The following SCUBE3 variants were observed in gnomAD, a reference collection of about 807,000 sequenced individuals.
The protein encoded by SCUBE3 is signal peptide, CUB and EGF-like domain-containing protein 3.
A neutral mutation model predicts 116.8 loss-of-function variants in SCUBE3; 33 were observed. That is an observed-to-expected ratio of 0.28 (90% CI 0.21 to 0.38). The LOEUF (loss-of-function observed/expected upper bound fraction) is 0.38, where lower values mean the gene tolerates loss of function less well. Ranked by LOEUF, SCUBE3 falls within the 10% of genes least tolerant of loss-of-function variation. The pLI, the probability that SCUBE3 is intolerant of heterozygous loss-of-function variation, is 1.00. For synonymous variants in SCUBE3, 418 were observed against 496.9 expected, an observed-to-expected ratio of 0.84 and a Z score of 2.11; for missense variants, 1,007 against 1,324.8, an observed-to-expected ratio of 0.76 and a Z score of 3.72.
At chr6:35,226,479 C>CTTTTTTTTTTTTTTTTTTTTTTTTTT (rs1562044702) in intron 1 of SCUBE3, among the ~76,000 whole-genome samples, 4 of 52,186 alleles carry the variant, frequency 7.7e-5, no homozygotes, top group South Asian at 1.1e-3. Context: ...TTTTCTATGT[C>CTTTTTTTTTTTTTTTTTTTTTTTTTT]CTTTTTTTTT....
Position 35,242,727 on chromosome 6 carries a change from T to C in SCUBE3, c.1640T>C (p.Val547Ala), listed in dbSNP as rs1581946622. The change falls in exon 14 of 22, where the codon GTC becomes GCC. Residue 547 changes from valine to alanine, a missense_variant. Physicochemically the swap from Val to Ala is moderately conservative, Grantham distance 64. Transcript: ENST00000274938. ...GCCCGGACCCCTCCAGGCAAAGAGG[T>C]CACAAGGCTCACCCTGGAACTGGAG... is the stretch of plus-strand genomic sequence containing the variant. ...RRARTPPGKEVTRLTLELEAE... is the reference protein window; with the variant it reads ...RRARTPPGKEATRLTLELEAE... The C allele has an allele frequency of 6.2e-7, 1 of 1,613,678 alleles. No individual in the cohort carries two copies. The highest frequency in any genetic ancestry group is 1.3e-5 in the African/African-American group (1 of 74,818).
At chr6:35,246,528 A>G (rs543494242) in intron 21 of SCUBE3, among the ~76,000 whole-genome samples, 4 of 152,276 alleles carry the variant, frequency 2.6e-5, no homozygotes, top group African/African-American at 4.8e-5. Context: ...CACCCACACT[A>G]TATTACACCT....
At position 35,233,085 on chromosome 6, in the gene SCUBE3, TG is replaced by T; in HGVS notation, c.596-95del. ...ACAGGGCTGGGAGGAAAAGGGAGTA[TG>T]GGGGAGGCAACTAGGCAAGGGGGCC... On this transcript the variant is annotated intron_variant, in intron 5 of 21. Transcript: ENST00000274938. The surrounding 1 kb of genome is among the most constrained non-coding windows in gnomAD (Gnocchi z 5.7). 1.3e-6 allele frequency: 2 copies of T among 1,499,004 alleles called. No homozygotes were observed. Among genetic ancestry groups the T allele is most frequent in the Non-Finnish European group, 1.8e-6 (2 of 1,084,768 alleles). The allele number at this position is 1,499,004 out of a possible 1,614,324, so 92.9% of individuals were successfully genotyped here.
chr6:35,232,909 A>G lies in SCUBE3; in HGVS notation c.529A>G (p.Lys177Glu). ...TGCCCACATTTGCCGGGAGACACCCAAGGGGGGTATTGCCTGTGAATGCCG... is the reference window on the plus strand; with the variant it reads ...TGCCCACATTTGCCGGGAGACACCCGAGGGGGGTATTGCCTGTGAATGCCG... ...GCAHICRETP[K>E]GGIACECRPG... Residue 177 changes from lysine to glutamate, a missense_variant, in exon 5 of 22, where the codon AAG (lysine) becomes GAG (glutamate). Transcript: ENST00000274938. This position sits in a 1 kb window ranked among gnomAD's most constrained non-coding sequence, Gnocchi z 4.2. The G allele has an allele frequency of 6.2e-7, 1 of 1,614,126 alleles. No individual in the cohort carries two copies. The highest frequency in any genetic ancestry group is 8.5e-7 in the Non-Finnish European group (1 of 1,179,970).
In SCUBE3 at chr6:35,249,240, T is replaced by C. The variant is rs1197443577; in HGVS notation, c.*535T>C. The C allele has an allele frequency of 6.5e-6, 1 of 154,380 alleles. No homozygotes were observed. Among genetic ancestry groups the C allele is most frequent in the East Asian group, 1.9e-4 (1 of 5,194 alleles). 9.6% of individuals were successfully genotyped at this position (154,380 alleles called of 1,614,324 possible). A position where few individuals can be genotyped will look rare whatever the true frequency, so the allele number is the denominator to read the frequency against. On this transcript the variant is annotated 3_prime_UTR_variant, in exon 22 of 22. Transcript: ENST00000274938. The stretch of plus-strand genomic sequence containing the variant: ...AGGCTTAATGCCAGCACCAGTCCTC[T>C]GGGGCACATGGTTTGAGCTCTGGAC...
rs771897021 is a variant in SCUBE3, at chr6:35,242,768, G to A, written c.1681G>A (p.Glu561Lys). ...GGAACTGGAGGCAGAGGTCAGAGCC[G>A]AAGAAACCACAGGTGGGACTGGGGG... ...TLELEAEVRA[E>K]ETTASCGLPC... The change falls in exon 14 of 22, where the codon GAA (glutamate) becomes AAA (lysine). Residue 561 changes from glutamate to lysine, a missense_variant. Physicochemically the swap from Glu to Lys is moderately conservative, Grantham distance 56. Transcript: ENST00000274938. 20 of 1,613,332 alleles carry A rather than the reference G, an allele frequency of 1.2e-5. No homozygotes were observed. The highest frequency in any genetic ancestry group is 3.3e-5 in the South Asian group (3 of 91,084).
At chr6:35,238,135 C>T (rs1235971538) in intron 7 of SCUBE3, 117 bp downstream of exon 7, 2 of 616,992 alleles carry the variant, frequency 3.2e-6, no homozygotes, top group African/African-American at 1.8e-5. Flanking sequence ...TTATGAAGAA[C>T]CCAGGACATA....
At chr6:35,229,127 G>A (rs891645098) in intron 3 of SCUBE3, among the ~76,000 whole-genome samples, 2 of 152,136 alleles carry the variant, frequency 1.3e-5, no homozygotes, top group African/African-American at 4.8e-5. Flanking sequence ...ATGGGGGTGG[G>A]ACCAGGTGTG....
chr6:35,226,480 C>CTTT (rs764779695), intron 1 of SCUBE3, among the ~76,000 whole-genome samples: 51,930 of 84,968 alleles, frequency 0.61, 17,500 homozygotes, highest in South Asian at 0.81. Context: ...TTTCTATGTC[C>CTTT]TTTTTTTTTT....
At position 35,248,638 on chromosome 6, in the gene SCUBE3, T is replaced by C; in HGVS notation, c.2915T>C (p.Met972Thr). 1 of 1,614,046 alleles carries C rather than the reference T, an allele frequency of 6.2e-7. No homozygotes were observed. Among genetic ancestry groups the C allele is most frequent in the Non-Finnish European group, 8.5e-7 (1 of 1,180,000 alleles). ...AAGTACACAGAGAAACACAAGGAGATGCTGCCAAAATCCTTCATCAAGCTG... is the reference window on the plus strand; with the variant it reads ...AAGTACACAGAGAAACACAAGGAGACGCTGCCAAAATCCTTCATCAAGCTG... ...YFKYTEKHKE[M>T]LPKSFIKLLR... Residue 972 changes from methionine (M) to threonine (T), a missense_variant, in exon 22 of 22, where the codon ATG becomes ACG. By Grantham distance (81) the Met-to-Thr change is moderately conservative. Around this residue, in one of 5 missense-constraint regions of SCUBE3, gnomAD observed 118 missense variants for 196.6 expected, o/e 0.60. Coordinates refer to ENST00000274938, the MANE Select transcript of SCUBE3 (RefSeq NM_152753.4).
At chr6:35,234,521 T>C (rs1246063133) in intron 6 of SCUBE3, among the ~76,000 whole-genome samples, 1 of 152,226 alleles carries the variant, frequency 6.6e-6, no homozygotes, top group Non-Finnish European at 1.5e-5. Flanking sequence ...CACGTTTCCC[T>C]CTGAATTAAC....
Position 35,249,706 on chromosome 6 carries a change from C to T in SCUBE3, c.*1001C>T, listed in dbSNP as rs1784486211. On this transcript the variant is annotated 3_prime_UTR_variant, in exon 22 of 22. Coordinates refer to ENST00000274938, the MANE Select transcript of SCUBE3 (RefSeq NM_152753.4). The stretch of plus-strand genomic sequence containing the variant: ...ACCTGAAGCCAGCCTAGGCCTTGCC[C>T]TACAGTTGTTTTTCCCTTGTAGCCC... 6.6e-6 allele frequency: 1 copy of T among 152,630 alleles called. No individual in the cohort carries two copies. The highest frequency in any genetic ancestry group is 2.1e-4 in the South Asian group (1 of 4,822). The allele number at this position is 152,630 out of a possible 1,614,324, so 9.5% of individuals were successfully genotyped here.
rs766672059 is a variant in SCUBE3, at chr6:35,241,087, G to A, written c.1070-54G>A. On this transcript the variant is annotated intron_variant, in intron 9 of 21. Transcript: ENST00000274938. The surrounding 1 kb of genome is among the most constrained non-coding windows in gnomAD (Gnocchi z 4.1). ...GGCCCTCACTCACTGCCTACTCTCCGGCTCCTCCTCCAACTCCATCGTTGT... is the reference window on the plus strand; with the variant it reads ...GGCCCTCACTCACTGCCTACTCTCCAGCTCCTCCTCCAACTCCATCGTTGT... 1.6e-5 allele frequency: 25 copies of A among 1,543,248 alleles called. No homozygotes were observed. Among genetic ancestry groups the A allele is most frequent in the Non-Finnish European group, 1.9e-5 (21 of 1,134,652 alleles).
Position 35,251,174 on chromosome 6 carries a change from G to A in SCUBE3, c.*2469G>A, listed in dbSNP as rs1221821941. On this transcript the variant is annotated 3_prime_UTR_variant, in exon 22 of 22. Coordinates refer to ENST00000274938, the MANE Select transcript of SCUBE3 (RefSeq NM_152753.4). ...TCTTTTTTTTTTTTTTTTTTTTTGA[G>A]ATGGAGTCTCGCTCTGTCACCCAGG... 1.8e-5 allele frequency: 2 copies of A among 110,446 alleles called. No individual in the cohort carries two copies. Among genetic ancestry groups the A allele is most frequent in the Non-Finnish European group, 3.5e-5 (2 of 57,204 alleles). 6.8% of individuals were successfully genotyped at this position (110,446 alleles called of 1,614,324 possible).
At chr6:35,234,287 A>C (rs1487882421) in intron 6 of SCUBE3, among the ~76,000 whole-genome samples, 1 of 152,158 alleles carries the variant, frequency 6.6e-6, no homozygotes, top group Non-Finnish European at 1.5e-5. Context: ...GGGCTGTGGC[A>C]TGCTGAGGAT....
Position 35,242,211 on chromosome 6 carries a change from A to G in SCUBE3, c.1425A>G (p.Ala475=). The G allele has an allele frequency of 6.2e-7, 1 of 1,611,550 alleles. No individual in the cohort carries two copies. The highest frequency in any genetic ancestry group is 8.5e-7 in the Non-Finnish European group (1 of 1,177,668). ...STNSNHCHEA[A]VLSIKQRASF... ...TTTCTACCATCCCTCTAGAGGCTGCAGTGCTGTCCATTAAACAACGGGCCT... is the reference window on the plus strand; with the variant it reads ...TTTCTACCATCCCTCTAGAGGCTGCGGTGCTGTCCATTAAACAACGGGCCT... Residue 475 remains alanine (A), a synonymous_variant, in exon 13 of 22, where the codon GCA becomes GCG. Coordinates refer to ENST00000274938, the MANE Select transcript of SCUBE3 (RefSeq NM_152753.4).
Position 35,240,527 on chromosome 6 carries a change from C to T in SCUBE3, c.1069+37C>T, listed in dbSNP as rs1490213844. 1 of 1,080,288 alleles carries T rather than the reference C, an allele frequency of 9.3e-7. No homozygotes were observed. The highest frequency in any genetic ancestry group is 1.4e-5 in the South Asian group (1 of 71,434). The allele number at this position is 1,080,288 out of a possible 1,614,324, so 66.9% of individuals were successfully genotyped here. A position where few individuals can be genotyped will look rare whatever the true frequency, so the allele number is the denominator to read the frequency against. On this transcript the variant is annotated intron_variant, in intron 9 of 21. Coordinates refer to ENST00000274938, the MANE Select transcript of SCUBE3 (RefSeq NM_152753.4). The surrounding 1 kb of genome is among the most constrained non-coding windows in gnomAD (Gnocchi z 4.6). The stretch of plus-strand genomic sequence containing the variant: ...AGCTTGCACCCCCAGCCACCCTGGC[C>T]CCCTCACCTCTTCACCCTCCAATTG...
At position 35,244,928 on chromosome 6, in the gene SCUBE3, ACTC is replaced by A; in HGVS notation, c.2401+119_2401+121del. The A allele has an allele frequency of 9.7e-7, 1 of 1,026,828 alleles. No homozygotes were observed. 63.6% of individuals were successfully genotyped at this position (1,026,828 alleles called of 1,614,324 possible). On this transcript the variant is annotated intron_variant, in intron 18 of 21. Coordinates refer to ENST00000274938, the MANE Select transcript of SCUBE3 (RefSeq NM_152753.4). This position sits in a 1 kb window ranked among gnomAD's most constrained non-coding sequence, Gnocchi z 4.3. ...GGCTGGGGGGTGGAGGAGCAGGAAA[ACTC>A]CACCTTCCACCTCTCCCCAACTCAC... is the stretch of plus-strand genomic sequence containing the variant.
Position 35,244,070 on chromosome 6 carries a change from G to A in SCUBE3, c.2179G>A (p.Gly727Ser). 1 of 1,614,032 alleles carries A rather than the reference G, an allele frequency of 6.2e-7. No homozygotes were observed. The highest frequency in any genetic ancestry group is 1.1e-5 in the South Asian group (1 of 91,060). Residue 727 changes from glycine to serine, a missense_variant, in exon 17 of 22, where the codon GGT becomes AGT. By Grantham distance (56) the Gly-to-Ser change is moderately conservative. Transcript: ENST00000274938. The surrounding 1 kb of genome is among the most constrained non-coding windows in gnomAD (Gnocchi z 4.3). The part of the protein sequence containing the change: ...EAGRTLCFPC[G>S]GGLTTKHEGA... ...AGGACGGACCCTATGCTTCCCTTGT[G>A]GTGGGGGCCTCACCACCAAGCATGA...
Sources: allele counts gnomAD v4.1 joint callset (sites outside exome capture counted in the v4.1 genomes callset), GRCh38; gene constraint gnomAD v4.1.1; regional missense constraint gnomAD v4.1.1; non-coding constraint Gnocchi (gnomAD v3.1); transcripts MANE v1.5; gene names NCBI Gene and HGNC (gene_info 2026-07-23, HGNC 2026-07-21).